LDLRAP1: variants seen among roughly 807,000 people sequenced by gnomAD.
LDLRAP1 encodes low density lipoprotein receptor adaptor protein 1.
LDLRAP1 carries 30 observed loss-of-function variants against 37.8 expected under a neutral mutation model. The observed-to-expected ratio is 0.79, with a 90% CI of 0.59 to 1.08. The LOEUF (loss-of-function observed/expected upper bound fraction) is 1.08, where lower values mean the gene tolerates loss of function less well. LDLRAP1 is among the 50% of genes least tolerant of loss of function. The pLI, the probability that LDLRAP1 is intolerant of heterozygous loss-of-function variation, is 0.00. For missense variants in LDLRAP1, 375 were observed against 401.6 expected (o/e 0.93, Z 0.57); for synonymous variants, 156 against 169.8 (o/e 0.92, Z 0.63).
chr1:25,562,804 C>T (rs2044374918), intron 5 of LDLRAP1, 88 bp downstream of exon 5: 5 of 1,165,734 alleles, frequency 4.3e-6, no homozygotes, highest in South Asian at 1.2e-5. Context: ...GACTTCCTGC[C>T]TCATCACCCA....
chr1:25,576,601 G>C, the LDLRAP1 span, among the ~76,000 whole-genome samples: 16 of 152,204 alleles, frequency 1.1e-4, no homozygotes, highest in Non-Finnish European at 1.9e-4. Flanking sequence ...AAAGCAGAGC[G>C]CCTGGCTTTG....
In LDLRAP1 at chr1:25,566,840, C is replaced by A; in HGVS notation, c.783-8C>A. On this transcript the variant is annotated splice_region_variant and splice_polypyrimidine_tract_variant and intron_variant, in intron 8 of 8. Transcript: ENST00000374338. ...CAGGCTCTCGGCTCACACAGCTCTGCCTTCCAGGCTTGCCCAGTCTCGGAC... is the reference window on the plus strand; with the variant it reads ...CAGGCTCTCGGCTCACACAGCTCTGACTTCCAGGCTTGCCCAGTCTCGGAC... 6.2e-7 allele frequency: 1 copy of A among 1,606,288 alleles called. No individual in the cohort carries two copies. The highest frequency in any genetic ancestry group is 8.5e-7 in the Non-Finnish European group (1 of 1,176,790).
intron 1 of LDLRAP1, among the ~76,000 whole-genome samples, chr1:25,553,004 C>T (rs2044110215): frequency 6.6e-6 from 1 of 152,196 alleles, no homozygotes; most frequent in South Asian, 2.1e-4. Context: ...GGTCTCGAAC[C>T]TTCTCCGATT....
chr1:25,588,883 C>G, the LDLRAP1 span, among the ~76,000 whole-genome samples: 35 of 152,292 alleles, frequency 2.3e-4, no homozygotes, highest in East Asian at 6.6e-3. Context: ...TCTCTTGGGT[C>G]ATGGAGCGCC....
chr1:25,558,035 C>A (rs959361572), intron 4 of LDLRAP1, among the ~76,000 whole-genome samples: 2 of 152,146 alleles, frequency 1.3e-5, no homozygotes, highest in Non-Finnish European at 2.9e-5. Context: ...TTCCAGGACA[C>A]CCCCTGACCA....
intron 4 of LDLRAP1, 100 bp from the exon 5 acceptor site, chr1:25,562,544 G>C: frequency 1.2e-5 from 12 of 961,190 alleles, no homozygotes; most frequent in Non-Finnish European, 1.7e-5. Context: ...TGCAGGGAGG[G>C]AGCCAGGGGG....
the LDLRAP1 span, among the ~76,000 whole-genome samples, chr1:25,586,598 G>T: frequency 1.3e-5 from 2 of 151,740 alleles, no homozygotes; most frequent in Non-Finnish European, 2.9e-5. The surrounding 1 kb of genome is among the most constrained non-coding windows in gnomAD (Gnocchi z 4.3). Context: ...GTGTGTGTGT[G>T]TATGTGTTTT....
rs1216142780 is a variant in LDLRAP1, at chr1:25,554,888, A to T, written c.260A>T (p.Lys87Met). ...TAKASGKKLQ[K>M]VTLKVSPRGI... is the part of the protein sequence containing the mutation. ...AAGGCCAGTGGGAAGAAGCTGCAGA[A>T]GGTGACTCTGAAGGTGTCGCCACGG... is the stretch of plus-strand genomic sequence containing the variant. The change falls in exon 3 of 9, where the codon AAG becomes ATG. Residue 87 changes from lysine to methionine, a missense_variant. Transcript: ENST00000374338. The surrounding 1 kb of genome is among the most constrained non-coding windows in gnomAD (Gnocchi z 5.4). 6.2e-7 allele frequency: 1 copy of T among 1,614,088 alleles called. No individual in the cohort carries two copies. The highest frequency in any genetic ancestry group is 8.5e-7 in the Non-Finnish European group (1 of 1,180,016).
chr1:25,554,122 C>T lies in LDLRAP1; in HGVS notation c.231+58C>T. 6.2e-7 allele frequency: 1 copy of T among 1,602,756 alleles called. No homozygotes were observed. ...CAGGGACCAAGGACCAGCTTCTTCCCAGGGTGCCCTCGTCCCAGCTTGTTA... is the reference window on the plus strand; with the variant it reads ...CAGGGACCAAGGACCAGCTTCTTCCTAGGGTGCCCTCGTCCCAGCTTGTTA... On this transcript the variant is annotated intron_variant, in intron 2 of 8. Coordinates refer to ENST00000374338, the MANE Select transcript of LDLRAP1 (RefSeq NM_015627.3). The surrounding 1 kb of genome is among the most constrained non-coding windows in gnomAD (Gnocchi z 5.4).
At chr1:25,562,800 C>T in intron 5 of LDLRAP1, 84 bp downstream of exon 5, 1 of 1,211,578 alleles carries the variant, frequency 8.3e-7, no homozygotes, top group Non-Finnish European at 1.2e-6. Context: ...GACCGACTTC[C>T]TGCCTCATCA....
In LDLRAP1 at chr1:25,554,858, A is replaced by G; in HGVS notation, c.232-2A>G. ...CTCCTCTGACTCCTGTCTGCTCCCAAGGCTAAGGCCAGTGGGAAGAAGCTG... is the reference window on the plus strand; with the variant it reads ...CTCCTCTGACTCCTGTCTGCTCCCAGGGCTAAGGCCAGTGGGAAGAAGCTG... On this transcript the variant is annotated splice_acceptor_variant, in intron 2 of 8. Coordinates refer to ENST00000374338, the MANE Select transcript of LDLRAP1 (RefSeq NM_015627.3). LOFTEE classifies it high-confidence loss of function. This position sits in a 1 kb window ranked among gnomAD's most constrained non-coding sequence, Gnocchi z 5.4. The G allele has an allele frequency of 1.2e-6, 2 of 1,612,566 alleles. No individual in the cohort carries two copies.
chr1:25,582,456 GCA>G, the LDLRAP1 span, among the ~76,000 whole-genome samples: 1 of 150,406 alleles, frequency 6.6e-6, no homozygotes, highest in Non-Finnish European at 1.5e-5. Context: ...ATGGTGGCAT[GCA>G]CCTGTAGTCC....
the LDLRAP1 span, among the ~76,000 whole-genome samples, chr1:25,583,490 G>C: frequency 6.6e-6 from 1 of 152,034 alleles, no homozygotes; most frequent in Non-Finnish European, 1.5e-5. Flanking sequence ...ACTGAGCCCA[G>C]GTTTTTTTGG....
the LDLRAP1 span, among the ~76,000 whole-genome samples, chr1:25,589,595 AT>A: frequency 1.3e-5 from 2 of 152,246 alleles, no homozygotes. Flanking sequence ...AGAATATAGA[AT>A]AAAATGCTGG....
At chr1:25,547,595 C>T (rs546906717) in intron 1 of LDLRAP1, among the ~76,000 whole-genome samples, 3 of 152,164 alleles carry the variant, frequency 2.0e-5, no homozygotes, top group South Asian at 2.1e-4. Flanking sequence ...CAGTGTAGAA[C>T]GTGCTCTTCA....
intron 1 of LDLRAP1, 99 bp from the exon 2 acceptor site, chr1:25,553,823 C>A: frequency 6.8e-7 from 1 of 1,463,150 alleles, no homozygotes; most frequent in East Asian, 2.4e-5. Flanking sequence ...ACCCCCATCC[C>A]CCTTGCTGGG....
chr1:25,558,738 G>A (rs1160926291), intron 4 of LDLRAP1, among the ~76,000 whole-genome samples: 1 of 152,162 alleles, frequency 6.6e-6, no homozygotes, highest in Non-Finnish European at 1.5e-5. Flanking sequence ...GACACTCTGA[G>A]TAATCTGGGA....
At position 25,554,912 on chromosome 1, in the gene LDLRAP1, G is replaced by C; in HGVS notation, c.284G>C (p.Arg95Pro). Residue 95 changes from arginine (R) to proline (P), a missense_variant, in exon 3 of 9, where the codon CGG becomes CCG. By Grantham distance (103) the Arg-to-Pro change is moderately radical. Coordinates refer to ENST00000374338, the MANE Select transcript of LDLRAP1 (RefSeq NM_015627.3). The surrounding 1 kb of genome is among the most constrained non-coding windows in gnomAD (Gnocchi z 5.4). ...AAGGTGACTCTGAAGGTGTCGCCAC[G>C]GGGAATTATCCTGACAGACAACCTC... is the stretch of plus-strand genomic sequence containing the variant. ...LQKVTLKVSP[R>P]GIILTDNLTN... The C allele has an allele frequency of 6.2e-7, 1 of 1,614,224 alleles. No homozygotes were observed. Among genetic ancestry groups the C allele is most frequent in the East Asian group, 2.2e-5 (1 of 44,892 alleles).
the LDLRAP1 span, among the ~76,000 whole-genome samples, chr1:25,585,807 C>T: frequency 6.6e-6 from 1 of 152,288 alleles, no homozygotes; most frequent in Admixed American, 6.5e-5. Flanking sequence ...TGGGCATGAA[C>T]AGGTCAGCCT....
Sources: allele counts gnomAD v4.1 joint callset (sites outside exome capture counted in the v4.1 genomes callset), GRCh38; gene constraint gnomAD v4.1.1; non-coding constraint Gnocchi (gnomAD v3.1); transcripts MANE v1.5; gene names NCBI Gene and HGNC (gene_info 2026-07-23, HGNC 2026-07-21).